XRCC4: variants seen among roughly 807,000 people sequenced by gnomAD.
The protein encoded by XRCC4 is DNA repair protein XRCC4.
Under a neutral mutation model 39.1 loss-of-function variants are expected in XRCC4, and 28 were observed. That is an observed-to-expected ratio of 0.72 (90% CI 0.53 to 0.98). The LOEUF is 0.98. XRCC4 is among the 50% of genes least tolerant of loss of function. XRCC4 has a pLI of 0.00. For missense variants in XRCC4, 350 were observed against 376.4 expected (o/e 0.93, Z 0.58); for synonymous variants, 123 against 126.4 (o/e 0.97, Z 0.18).
intron 3 of XRCC4, among the ~76,000 whole-genome samples, chr5:83,144,115 A>T (rs932885970): frequency 1.3e-5 from 2 of 152,014 alleles, no homozygotes; most frequent in East Asian, 1.9e-4. Flanking sequence ...GTCTTTGTGT[A>T]ACTATAGCTT....
At chr5:83,289,475 C>T (rs1754842162) in intron 7 of XRCC4, among the ~76,000 whole-genome samples, 1 of 151,838 alleles carries the variant, frequency 6.6e-6, no homozygotes, top group African/African-American at 2.4e-5. Context: ...AAACTCCCTC[C>T]TGTTGTCCTT....
intron 7 of XRCC4, among the ~76,000 whole-genome samples, chr5:83,343,230 A>G (rs180830844): frequency 1.3e-5 from 2 of 152,156 alleles, no homozygotes; most frequent in Admixed American, 1.3e-4. Flanking sequence ...ATGCCAGGGA[A>G]GTTTGTGATA....
At chr5:83,134,132 TAGC>T (rs1312755872) in intron 3 of XRCC4, among the ~76,000 whole-genome samples, 4 of 152,086 alleles carry the variant, frequency 2.6e-5, no homozygotes, top group Non-Finnish European at 5.9e-5. Flanking sequence ...TTGACCATGA[TAGC>T]AGGTCTCCGT....
intron 3 of XRCC4, among the ~76,000 whole-genome samples, chr5:83,133,393 A>G (rs530337114): frequency 3.3e-5 from 5 of 152,282 alleles, no homozygotes; most frequent in African/African-American, 1.2e-4. Flanking sequence ...CTGTGCTGGG[A>G]GAACCACTAC....
intron 1 of XRCC4, 77 bp from the exon 2 acceptor site, chr5:83,104,833 G>A: frequency 7.4e-7 from 1 of 1,348,278 alleles, no homozygotes; most frequent in South Asian, 1.3e-5. Flanking sequence ...TGTTTGTGTA[G>A]CTGAGAGGCC....
chr5:83,172,477 C>T (rs1217222285), intron 3 of XRCC4, among the ~76,000 whole-genome samples: 2 of 152,082 alleles, frequency 1.3e-5, no homozygotes, highest in Admixed American at 6.6e-5. Flanking sequence ...TGAATTAACA[C>T]ATAAAAATGT....
At chr5:83,168,432 G>A (rs1427163391) in intron 3 of XRCC4, among the ~76,000 whole-genome samples, 1 of 151,942 alleles carries the variant, frequency 6.6e-6, no homozygotes, top group African/African-American at 2.4e-5. Flanking sequence ...CACGTTGAAA[G>A]TTTTAAAAAC....
chr5:83,313,460 G>GT (rs909535354), intron 7 of XRCC4, among the ~76,000 whole-genome samples: 2 of 151,866 alleles, frequency 1.3e-5, no homozygotes, highest in Non-Finnish European at 2.9e-5. Flanking sequence ...TATTTATTGG[G>GT]TTTTTTCCCC....
Position 83,103,356 on chromosome 5 carries a change from G to A in XRCC4, c.-10-1554G>A, listed in dbSNP as rs552612099. ...TAACTCTAACTTTCAGTATTACATT[G>A]TGTACCCCTAATTTTATTTTCTTCT... On this transcript the variant is annotated intron_variant, in intron 1 of 7. Transcript: ENST00000396027. Among the ~76,000 whole-genome samples, 130 of 152,126 alleles carry A rather than the reference G, an allele frequency of 8.5e-4. No individual in the cohort carries two copies. The Middle Eastern group carries it at 0.01, about 12-fold the overall frequency.
the XRCC4 span, among the ~76,000 whole-genome samples, chr5:83,366,946 C>A: frequency 1.3e-5 from 2 of 152,244 alleles, no homozygotes; most frequent in African/African-American, 2.4e-5. Context: ...ACCTATTAGA[C>A]CTAGCATACT....
At chr5:83,137,381 C>T (rs949274259) in intron 3 of XRCC4, among the ~76,000 whole-genome samples, 1 of 152,088 alleles carries the variant, frequency 6.6e-6, no homozygotes, top group Non-Finnish European at 1.5e-5. Flanking sequence ...TGTTCACACC[C>T]TCCAAAACTA....
At chr5:83,103,575 C>G (rs564739952) in intron 1 of XRCC4, among the ~76,000 whole-genome samples, 57 of 152,108 alleles carry the variant, frequency 3.7e-4, no homozygotes, top group Non-Finnish European at 7.2e-4. Flanking sequence ...GGTATATACT[C>G]AACAGAAATG....
At chr5:83,287,095 A>G (rs529104778) in intron 7 of XRCC4, among the ~76,000 whole-genome samples, 1 of 152,028 alleles carries the variant, frequency 6.6e-6, no homozygotes, top group African/African-American at 2.4e-5. Flanking sequence ...CCTCAGTATA[A>G]TGACACAGAG....
intron 7 of XRCC4, among the ~76,000 whole-genome samples, chr5:83,309,489 C>T (rs563440526): frequency 2.4e-4 from 36 of 150,682 alleles, no homozygotes; most frequent in Non-Finnish European, 3.7e-4. Context: ...AGGCTGGGCG[C>T]GGTGGCTCAC....
At chr5:83,104,073 G>T (rs1348686085) in intron 1 of XRCC4, among the ~76,000 whole-genome samples, 1 of 152,132 alleles carries the variant, frequency 6.6e-6, no homozygotes, top group Non-Finnish European at 1.5e-5. Context: ...AAAACTTAAA[G>T]AATGCAGAAA....
chr5:83,350,735 A>G (rs906398245), intron 7 of XRCC4, among the ~76,000 whole-genome samples: 2 of 151,984 alleles, frequency 1.3e-5, no homozygotes, highest in African/African-American at 4.8e-5. Context: ...CTTTGTTGAT[A>G]GTTTCTTTTG....
At chr5:83,356,638 T>C (rs528337789), downstream of XRCC4, 1 of 406,658 alleles carries the variant, frequency 2.5e-6, no homozygotes, top group South Asian at 1.9e-5. Flanking sequence ...TCTTACCTTA[T>C]ATAGACAGAG....
chr5:83,339,330 C>T (rs1292165590), intron 7 of XRCC4, among the ~76,000 whole-genome samples: 1 of 152,072 alleles, frequency 6.6e-6, no homozygotes, highest in Non-Finnish European at 1.5e-5. Flanking sequence ...TTCATTCACA[C>T]ATGAGTCTTC....
At chr5:83,138,238 A>G (rs932367291) in intron 3 of XRCC4, among the ~76,000 whole-genome samples, 2 of 152,146 alleles carry the variant, frequency 1.3e-5, no homozygotes, top group African/African-American at 2.4e-5. Flanking sequence ...ATATGTACCT[A>G]TTTAAAACTG....
Sources: allele counts gnomAD v4.1 joint callset (sites outside exome capture counted in the v4.1 genomes callset), GRCh38; gene constraint gnomAD v4.1.1; transcripts MANE v1.5; gene names NCBI Gene and HGNC (gene_info 2026-07-23, HGNC 2026-07-21).